Variants in KLF16 observed in about 807,000 individuals in gnomAD.
The protein encoded by KLF16 is Krueppel-like factor 16.
KLF16 carries 6 observed loss-of-function variants against 6.1 expected under a neutral mutation model. The observed-to-expected ratio is 0.98, with a 90% CI of 0.54 to 1.93. KLF16 has a LOEUF of 1.93. Among genes scored for constraint, KLF16 ranks in the 30% most tolerant of loss-of-function variants. KLF16 has a pLI of 0.01. For synonymous variants in KLF16, 211 were observed against 176.5 expected, an observed-to-expected ratio of 1.20 and a Z score of -1.55; for missense variants, 355 against 363.8, an observed-to-expected ratio of 0.98 and a Z score of 0.20.
Position 1,857,699 on chromosome 19 carries a change from G to C in KLF16, c.458-2939C>G, listed in dbSNP as rs1006298716. 2.6e-5 allele frequency among the ~76,000 whole-genome samples: 4 copies of C among 151,988 alleles called. No individual in the cohort carries two copies. Among genetic ancestry groups the C allele is most frequent in the Middle Eastern group, 3.2e-3 (1 of 316 alleles). ...GGGGGGCTGTGGCCGGCTGCCTGCC[G>C]GGGCACTCACGTCCACCTAACAGGT... On this transcript the variant is annotated intron_variant, in intron 1 of 1. Coordinates refer to ENST00000250916, the MANE Select transcript of KLF16 (RefSeq NM_031918.4). This position sits in a 1 kb window ranked among gnomAD's most constrained non-coding sequence, Gnocchi z 4.7.
At chr19:1,856,024 G>A (rs2011942120) in intron 1 of KLF16, among the ~76,000 whole-genome samples, 2 of 152,234 alleles carry the variant, frequency 1.3e-5, no homozygotes, top group African/African-American at 2.4e-5. Context: ...CCACAGCAGG[G>A]CCAGGAGGGT....
upstream of KLF16, among the ~76,000 whole-genome samples, chr19:1,868,039 AG>A (rs1357565584): frequency 9.9e-5 from 15 of 151,950 alleles, no homozygotes; most frequent in Admixed American, 6.6e-5. Flanking sequence ...TAGTTTTAAT[AG>A]TACTTTTCTG....
chr19:1,861,857 A>C (rs2012072083), intron 1 of KLF16: 3 of 150,838 alleles, frequency 2.0e-5, no homozygotes, highest in African/African-American at 7.4e-5. Context: ...CAGCCCCACC[A>C]CTCTGGACGG....
rs1342482742 is a variant in KLF16, at chr19:1,857,253, G to T, written c.458-2493C>A. Among the ~76,000 whole-genome samples, 1 of 152,232 alleles carries T rather than the reference G, an allele frequency of 6.6e-6. No homozygotes were observed. Among genetic ancestry groups the T allele is most frequent in the East Asian group, 1.9e-4 (1 of 5,190 alleles). ...GCGCCTCTGCGAAATGCCAGGCCCTGCCTCGCACACAATCCACTCGCAGGG... is the reference window on the plus strand; with the variant it reads ...GCGCCTCTGCGAAATGCCAGGCCCTTCCTCGCACACAATCCACTCGCAGGG... On this transcript the variant is annotated intron_variant, in intron 1 of 1. Transcript: ENST00000250916. The surrounding 1 kb of genome is among the most constrained non-coding windows in gnomAD (Gnocchi z 4.7).
At chr19:1,871,594 A>G in the KLF16 span, among the ~76,000 whole-genome samples, 6 of 152,120 alleles carry the variant, frequency 3.9e-5, no homozygotes, top group African/African-American at 1.2e-4. Context: ...CACTCAGGGT[A>G]TATTTCTGTG....
At chr19:1,859,046 G>T (rs555432589) in intron 1 of KLF16, among the ~76,000 whole-genome samples, 17 of 152,074 alleles carry the variant, frequency 1.1e-4, no homozygotes, top group African/African-American at 3.9e-4. Context: ...CTGGAGAGGC[G>T]GTGGGTGGGG....
At chr19:1,867,927 C>CATGT (rs2012212490), upstream of KLF16, among the ~76,000 whole-genome samples, 1 of 147,866 alleles carries the variant, frequency 6.8e-6, no homozygotes. Context: ...TATGTAAGGA[C>CATGT]GTGTGTGTGT....
At chr19:1,868,484 T>TAA (rs2012223793), upstream of KLF16, among the ~76,000 whole-genome samples, 1 of 82,826 alleles carries the variant, frequency 1.2e-5, no homozygotes, top group African/African-American at 3.3e-5. Flanking sequence ...TTTTTTTTTT[T>TAA]TTTTTTTTTT....
chr19:1,870,220 A>G, the KLF16 span, among the ~76,000 whole-genome samples: 3 of 151,872 alleles, frequency 2.0e-5, no homozygotes, highest in East Asian at 1.9e-4. Flanking sequence ...GTGAGCCACC[A>G]CACCCGGCCA....
chr19:1,864,156 C>G (rs2012141761), upstream of KLF16, among the ~76,000 whole-genome samples: 1 of 150,756 alleles, frequency 6.6e-6, no homozygotes, highest in African/African-American at 2.4e-5. Context: ...GCCCCCTCCC[C>G]GGATGCTTCC....
intron 1 of KLF16, among the ~76,000 whole-genome samples, chr19:1,855,935 A>C (rs1298170777): frequency 6.6e-6 from 1 of 152,214 alleles, no homozygotes; most frequent in Admixed American, 6.5e-5. Flanking sequence ...CCCTCGTGGC[A>C]CTGGTTGGAG....
intron 1 of KLF16, 148 bp from the exon 2 acceptor site, chr19:1,854,908 C>G (rs2011916998): frequency 1.2e-6 from 1 of 828,992 alleles, no homozygotes; most frequent in Non-Finnish European, 1.9e-6. Flanking sequence ...CATGGAGAAG[C>G]ACAAAGAATA....
rs537208916 is a variant in KLF16 at position 1,854,146 on chromosome 19, GC to G, written c.*312del. The G allele has an allele frequency of 2.6e-4, 81 of 316,562 alleles. No homozygotes were observed. Among genetic ancestry groups the G allele is most frequent in the African/African-American group, 1.6e-3 (75 of 46,190 alleles). The allele number at this position is 316,562 out of a possible 1,614,324, so 19.6% of individuals were successfully genotyped here. ...CCCCAAACCCCACCCCGGGAGGGGG[GC>G]AGCAGGGGGTGGTGGAGAGGAGAGG... On this transcript the variant is annotated 3_prime_UTR_variant, in exon 2 of 2. Coordinates refer to ENST00000250916, the MANE Select transcript of KLF16 (RefSeq NM_031918.4).
rs372967466 is a variant in KLF16 at position 1,863,108 on chromosome 19, G to C, written c.390C>G (p.Pro130=). 1 of 1,375,100 alleles carries C rather than the reference G, an allele frequency of 7.3e-7. No individual in the cohort carries two copies. The highest frequency in any genetic ancestry group is 9.6e-7 in the Non-Finnish European group (1 of 1,045,330). 85.2% of individuals were successfully genotyped at this position (1,375,100 alleles called of 1,614,324 possible). The change falls in exon 1 of 2, where the codon CCC becomes CCG. Residue 130 remains proline (P), a synonymous_variant. Transcript: ENST00000250916. ...PSAAAKSHRC[P]FPDCAKAYYK... ...AGTAGGCTTTGGCGCAGTCCGGGAA[G>C]GGACAGCGGTGGCTCTTGGCGGCGG... is the stretch of plus-strand genomic sequence containing the variant.
Position 1,854,348 on chromosome 19 carries a change from T to A in KLF16, c.*111A>T. ...CTCACTCTCTGGAGGGGGGCAGGGGTGTCTTCAGGGTTTGCCCACGGCTGG... is the reference window on the plus strand; with the variant it reads ...CTCACTCTCTGGAGGGGGGCAGGGGAGTCTTCAGGGTTTGCCCACGGCTGG... On this transcript the variant is annotated 3_prime_UTR_variant, in exon 2 of 2. Transcript: ENST00000250916. 2 of 1,263,528 alleles carry A rather than the reference T, an allele frequency of 1.6e-6. No homozygotes were observed. The highest frequency in any genetic ancestry group is 2.0e-6 in the Non-Finnish European group (2 of 983,262). The allele number at this position is 1,263,528 out of a possible 1,614,324, so 78.3% of individuals were successfully genotyped here. A position where few individuals can be genotyped will look rare whatever the true frequency, so the allele number is the denominator to read the frequency against.
chr19:1,865,577 G>T (rs1462242152), upstream of KLF16, among the ~76,000 whole-genome samples: 2 of 152,246 alleles, frequency 1.3e-5, no homozygotes, highest in Non-Finnish European at 2.9e-5. Context: ...GCCTCCAGGG[G>T]TGGGCCACAT....
At chr19:1,864,220 C>G (rs908858239), upstream of KLF16, among the ~76,000 whole-genome samples, 2 of 151,828 alleles carry the variant, frequency 1.3e-5, no homozygotes, top group African/African-American at 4.8e-5. Flanking sequence ...CCGATCCCCA[C>G]GTGGCCGGGG....
chr19:1,863,012 G>A (rs982189650), intron 1 of KLF16, 29 bp downstream of exon 1: 8 of 1,259,538 alleles, frequency 6.4e-6, no homozygotes, highest in Non-Finnish European at 8.2e-6. Context: ...GGCCGCCCCC[G>A]CAAGGGCCGG....
chr19:1,875,075 G>C, the KLF16 span: 1 of 152,146 alleles, frequency 6.6e-6, no homozygotes, highest in Non-Finnish European at 1.5e-5. Flanking sequence ...CTTGGGCAAG[G>C]GTGTCGCCGG....
Sources: gnomAD v4.1 joint callset for allele counts (sites outside exome capture counted in the v4.1 genomes callset) on GRCh38, gnomAD v4.1.1 for gene constraint, Gnocchi (gnomAD v3.1) non-coding constraint, MANE v1.5 for transcripts, NCBI Gene and HGNC (gene_info 2026-07-23, HGNC 2026-07-21) for gene names.